Variants in ERBB4 observed in about 807,000 individuals in gnomAD.
ERBB4 encodes the protein receptor tyrosine-protein kinase erbB-4.
ERBB4 carries 42 observed loss-of-function variants against 158.0 expected under a neutral mutation model. The ratio of observed to expected loss-of-function variants is 0.27; its 90% CI spans 0.21 to 0.34. The LOEUF is 0.34. ERBB4 is among the 10% of genes least tolerant of loss of function. The pLI is 1.00. For synonymous variants in ERBB4, 583 were observed against 558.7 expected (o/e 1.04, Z -0.61); for missense variants, 1,333 against 1,624.1 (o/e 0.82, Z 3.08).
intron 2 of ERBB4, among the ~76,000 whole-genome samples, chr2:211,968,452 G>C (rs956884428): frequency 2.0e-5 from 3 of 151,974 alleles, no homozygotes; most frequent in Non-Finnish European, 2.9e-5. Context: ...TTAAGATAAA[G>C]GCATTTTTAA....
chr2:212,123,954 T>G (rs2079838935), intron 2 of ERBB4, among the ~76,000 whole-genome samples: 1 of 152,196 alleles, frequency 6.6e-6, no homozygotes, highest in Admixed American at 6.5e-5. Flanking sequence ...TTATTTAAAA[T>G]GTATATTAGT....
intron 2 of ERBB4, among the ~76,000 whole-genome samples, chr2:212,071,931 A>G (rs777308118): frequency 2.0e-5 from 3 of 151,966 alleles, no homozygotes; most frequent in Non-Finnish European, 2.9e-5. Context: ...CTTTTTATCA[A>G]TTGTTGTGTT....
At chr2:211,513,734 T>C (rs2065949186) in intron 20 of ERBB4, among the ~76,000 whole-genome samples, 4 of 152,040 alleles carry the variant, frequency 2.6e-5, no homozygotes, top group Admixed American at 2.0e-4. Context: ...CTGTCTACGC[T>C]TTGTTAACCC....
At chr2:212,101,083 C>T (rs911574907) in intron 2 of ERBB4, among the ~76,000 whole-genome samples, 1 of 151,622 alleles carries the variant, frequency 6.6e-6, no homozygotes, top group Non-Finnish European at 1.5e-5. Context: ...TCTTGATAGA[C>T]GAGTCTATCA....
intron 4 of ERBB4, 64 bp from the exon 5 acceptor site, chr2:211,750,768 T>A: frequency 7.3e-7 from 1 of 1,365,776 alleles, no homozygotes; most frequent in Non-Finnish European, 1.0e-6. Context: ...TGACTAGGAG[T>A]AACTCCTCAA....
chr2:211,429,688 G>T (rs1365782631), intron 21 of ERBB4, among the ~76,000 whole-genome samples: 1 of 152,212 alleles, frequency 6.6e-6, no homozygotes, highest in African/African-American at 2.4e-5. Context: ...TGACACCAAG[G>T]TAACTCTATG....
intron 19 of ERBB4, among the ~76,000 whole-genome samples, chr2:211,582,787 G>A (rs2068143720): frequency 6.6e-6 from 1 of 152,030 alleles, no homozygotes; most frequent in Non-Finnish European, 1.5e-5. Context: ...AACATGTACT[G>A]GAACACCATA....
intron 1 of ERBB4, among the ~76,000 whole-genome samples, chr2:212,286,569 A>AATGAG (rs1363581695): frequency 1.4e-5 from 2 of 147,024 alleles, no homozygotes; most frequent in African/African-American, 5.0e-5. Context: ...GTTCAGATTA[A>AATGAG]ATGAGATGAT....
At chr2:211,488,137 CTATGAA>C (rs1405383761) in intron 20 of ERBB4, among the ~76,000 whole-genome samples, 3 of 151,952 alleles carry the variant, frequency 2.0e-5, no homozygotes, top group Non-Finnish European at 4.4e-5. Context: ...AAGGAATGAG[CTATGAA>C]TAACTAAACA....
At chr2:212,378,219 T>C (rs374182453) in intron 1 of ERBB4, among the ~76,000 whole-genome samples, 6 of 151,898 alleles carry the variant, frequency 4.0e-5, no homozygotes, top group Admixed American at 1.3e-4. Context: ...AATGTCATTA[T>C]GCACCTCTCT....
At chr2:212,158,828 G>T (rs2081118014) in intron 1 of ERBB4, among the ~76,000 whole-genome samples, 1 of 151,926 alleles carries the variant, frequency 6.6e-6, no homozygotes, top group Non-Finnish European at 1.5e-5. Flanking sequence ...ACAAGAATAA[G>T]AAATGCCTGT....
At chr2:211,711,990 G>A (rs2073719081) in intron 9 of ERBB4, 60 bp downstream of exon 9, 2 of 1,444,522 alleles carry the variant, frequency 1.4e-6, no homozygotes, top group East Asian at 2.3e-5. Flanking sequence ...CAAAACTAAA[G>A]AATCTCTTCA....
At chr2:211,547,312 G>A (rs1171747330) in intron 20 of ERBB4, among the ~76,000 whole-genome samples, 2 of 152,098 alleles carry the variant, frequency 1.3e-5, no homozygotes, top group Non-Finnish European at 2.9e-5. Context: ...GTGGAAGTAA[G>A]TTAATCTGTG....
Position 211,892,780 on chromosome 2 carries a change from A to G in ERBB4, c.421+54650T>C, listed in dbSNP as rs1332012859. Among the ~76,000 whole-genome samples the G allele has an allele frequency of 1.2e-4, 18 of 144,190 alleles. 1 individual carries two copies. The East Asian group carries it at 2.5e-3, about 20-fold the overall frequency. The allele number at this position is 144,190 out of a possible 152,430, so 94.6% of individuals were successfully genotyped here. On this transcript the variant is annotated intron_variant, in intron 3 of 27. Coordinates refer to ENST00000342788, the MANE Select transcript of ERBB4 (RefSeq NM_005235.3). Reference sequence around the variant, plus strand: ...ATACACCAACAACAGACAAACAGAGAGCCAAATCATGAGTGAACTCCCATT... The same window carrying G: ...ATACACCAACAACAGACAAACAGAGGGCCAAATCATGAGTGAACTCCCATT...
chr2:211,574,580 G>T (rs962318383), intron 19 of ERBB4, among the ~76,000 whole-genome samples: 1 of 152,106 alleles, frequency 6.6e-6, no homozygotes, highest in African/African-American at 2.4e-5. Flanking sequence ...CAGCATTTCA[G>T]AATTGATGTG....
At chr2:212,171,334 T>TTA (rs1553578085) in intron 1 of ERBB4, among the ~76,000 whole-genome samples, 14 of 151,726 alleles carry the variant, frequency 9.2e-5, no homozygotes, top group Admixed American at 2.0e-4. Context: ...GTTTTTTTTT[T>TTA]AATTATTTTA....
intron 1 of ERBB4, among the ~76,000 whole-genome samples, chr2:212,209,756 A>C (rs907259317): frequency 1.3e-5 from 2 of 152,152 alleles, no homozygotes; most frequent in African/African-American, 2.4e-5. Flanking sequence ...TATGATTTTT[A>C]AGAATAATAA....
chr2:212,119,075 T>C (rs2079660841), intron 2 of ERBB4, among the ~76,000 whole-genome samples: 1 of 152,034 alleles, frequency 6.6e-6, no homozygotes, highest in South Asian at 2.1e-4. Flanking sequence ...CATAAGGAGT[T>C]CCAATGAATT....
In ERBB4 at chr2:211,383,233, C is replaced by T; in HGVS notation, c.*382G>A. ...GAACAGATAGCATGGGTGTTTCAACCATCTGCTTTAAAAAAAAAAAAAAAA... is the reference window on the plus strand; with the variant it reads ...GAACAGATAGCATGGGTGTTTCAACTATCTGCTTTAAAAAAAAAAAAAAAA... On this transcript the variant is annotated 3_prime_UTR_variant, in exon 28 of 28. Transcript: ENST00000342788. 3.6e-6 allele frequency: 1 copy of T among 280,500 alleles called. No homozygotes were observed. Among genetic ancestry groups the T allele is most frequent in the Non-Finnish European group, 6.6e-6 (1 of 151,018 alleles). The allele number at this position is 280,500 out of a possible 1,614,324, so 17.4% of individuals were successfully genotyped here.
Sources: allele counts gnomAD v4.1 joint callset (sites outside exome capture counted in the v4.1 genomes callset), GRCh38; gene constraint gnomAD v4.1.1; transcripts MANE v1.5; gene names NCBI Gene and HGNC (gene_info 2026-07-23, HGNC 2026-07-21).